Variants in NCAPD3 observed in about 807,000 individuals in gnomAD.
NCAPD3 encodes condensin-2 complex subunit D3.
In NCAPD3, 105 loss-of-function variants were observed where a neutral mutation model predicts 182.9. The ratio of observed to expected loss-of-function variants is 0.57; its 90% CI spans 0.49 to 0.68. NCAPD3 has a LOEUF of 0.68. NCAPD3 is among the 30% of genes least tolerant of loss of function. NCAPD3 has a pLI of 0.00. For missense variants in NCAPD3, 1,944 were observed against 1,837.0 expected (o/e 1.06, Z -1.07); for synonymous variants, 815 against 679.9 (o/e 1.20, Z -3.09).
chr11:134,162,624 C>T (rs911501794), intron 27 of NCAPD3, among the ~76,000 whole-genome samples: 1 of 152,186 alleles, frequency 6.6e-6, no homozygotes, highest in Non-Finnish European at 1.5e-5. Context: ...TCTAAAAAGT[C>T]TTATCAGAGT....
At chr11:134,173,875 C>T (rs1179745744) in intron 24 of NCAPD3, among the ~76,000 whole-genome samples, 1 of 151,662 alleles carries the variant, frequency 6.6e-6, no homozygotes, top group African/African-American at 2.4e-5. Flanking sequence ...GCAGGAGAAT[C>T]GCTTGAACCA....
chr11:134,154,638 G>GGGTGGTGCTA lies in NCAPD3; in HGVS notation c.4253-1276_4253-1275insTAGCACCACC, dbSNP rs1565513747. Among the ~76,000 whole-genome samples, 308 of 149,212 alleles carry GGGTGGTGCTA rather than the reference G, an allele frequency of 2.1e-3. 1 individual carries two copies. The highest frequency in any genetic ancestry group is 6.8e-3 in the African/African-American group (271 of 39,782). On this transcript the variant is annotated intron_variant, in intron 32 of 34. Transcript: ENST00000534548. The stretch of plus-strand genomic sequence containing the variant: ...AGCCTCGCCCCTCCTGGGTGGTGCT[G>GGGTGGTGCTA]TACCCAGTGCATAAGCTGCCACCAG...
chr11:134,199,778 T>C (rs1944710026), intron 13 of NCAPD3, among the ~76,000 whole-genome samples: 1 of 152,152 alleles, frequency 6.6e-6, no homozygotes, highest in Non-Finnish European at 1.5e-5. Context: ...TGGGGATCCA[T>C]CCCGAGGAAG....
At chr11:134,169,145 G>C in intron 24 of NCAPD3, 91 bp from the exon 25 acceptor site, 1 of 1,335,690 alleles carries the variant, frequency 7.5e-7, no homozygotes, top group Non-Finnish European at 1.0e-6. Context: ...GCAGAGGAGA[G>C]CTGTACATAA....
chr11:134,157,041 T>C lies in NCAPD3; in HGVS notation c.4229A>G (p.Lys1410Arg). Reference protein sequence around the residue: ...ESNGEIEHVTKRAISTPEKSI... With the variant: ...ESNGEIEHVTRRAISTPEKSI... ...ACTCTCGGGGGTGCTGATGGCCCGC[T>C]TGGTCACGTGCTCAATCTCGCCATT... is the stretch of plus-strand genomic sequence containing the variant. Residue 1410 changes from lysine to arginine, a missense_variant, in exon 32 of 35, where the codon AAG becomes AGG. This residue lies in a region of NCAPD3 where 1,803 missense variants were observed against 1,674.6 expected (regional missense o/e 1.08). Transcript: ENST00000534548. 1 of 1,612,772 alleles carries C rather than the reference T, an allele frequency of 6.2e-7. No individual in the cohort carries two copies. The highest frequency in any genetic ancestry group is 8.5e-7 in the Non-Finnish European group (1 of 1,179,468).
rs746913692 is a variant in NCAPD3 at position 134,181,038 on chromosome 11, T to C, written c.2559+39A>G. 6.2e-6 allele frequency: 9 copies of C among 1,460,986 alleles called. No individual in the cohort carries two copies. In the South Asian group the frequency reaches 8.0e-5, roughly 13 times the overall value. 90.5% of individuals were successfully genotyped at this position (1,460,986 alleles called of 1,614,324 possible). On this transcript the variant is annotated intron_variant, in intron 20 of 34. Transcript: ENST00000534548. ...CTTTAATAGAACCTCACGGATAAAA[T>C]GGAAGCGAAAAGAATGGTTAGGAAA...
At chr11:134,163,944 A>G (rs1943675638) in intron 27 of NCAPD3, among the ~76,000 whole-genome samples, 1 of 151,980 alleles carries the variant, frequency 6.6e-6, no homozygotes, top group Non-Finnish European at 1.5e-5. Flanking sequence ...GGCCTGTGAC[A>G]GAAAGAAACC....
At chr11:134,187,051 T>C (rs1406304976) in intron 16 of NCAPD3, among the ~76,000 whole-genome samples, 2 of 152,330 alleles carry the variant, frequency 1.3e-5, no homozygotes, top group East Asian at 1.9e-4. Flanking sequence ...AATCTCAAAC[T>C]TGGCTCCTCT....
intron 24 of NCAPD3, among the ~76,000 whole-genome samples, chr11:134,175,667 T>C (rs754156774): frequency 5.9e-5 from 9 of 152,178 alleles, no homozygotes; most frequent in Non-Finnish European, 1.3e-4. Context: ...GCAGACTTGC[T>C]TGAAAAAGAA....
intron 24 of NCAPD3, among the ~76,000 whole-genome samples, chr11:134,171,378 T>A (rs369492932): frequency 1.3e-5 from 2 of 152,258 alleles, no homozygotes; most frequent in African/African-American, 4.8e-5. Context: ...GGCCACAAGG[T>A]AAGAGCCATG....
intron 27 of NCAPD3, among the ~76,000 whole-genome samples, chr11:134,167,726 G>A (rs148236892): frequency 0.019 from 2,347 of 125,006 alleles, 21 homozygotes; most frequent in Non-Finnish European, 0.03. Context: ...TGGGGGAGGC[G>A]CACACTCGTG....
chr11:134,168,021 T>A lies in NCAPD3; in HGVS notation c.3548A>T (p.Glu1183Val). 2.5e-6 allele frequency: 4 copies of A among 1,614,074 alleles called. No individual in the cohort carries two copies. The highest frequency in any genetic ancestry group is 2.2e-5 in the East Asian group (1 of 44,890). ...TTGTGAGATGAGCTTCTTCTGAGCTTCCTGCATGACTACATTTGCCAAGGC... is the reference window on the plus strand; with the variant it reads ...TTGTGAGATGAGCTTCTTCTGAGCTACCTGCATGACTACATTTGCCAAGGC... ...DMALANVVMQ[E>V]AQKKLISQVQ... is the part of the protein sequence containing the mutation. Residue 1183 changes from glutamate (E) to valine (V), a missense_variant, in exon 27 of 35, where the codon GAA (glutamate) becomes GTA (valine). By Grantham distance (121) the Glu-to-Val change is moderately radical. Transcript: ENST00000534548.
chr11:134,170,111 G>A (rs1010335294), intron 24 of NCAPD3, among the ~76,000 whole-genome samples: 2 of 152,304 alleles, frequency 1.3e-5, no homozygotes, highest in African/African-American at 4.8e-5. Flanking sequence ...AAAAATCAGA[G>A]AAGGTAGATG....
chr11:134,176,001 T>C (rs1944153191), intron 24 of NCAPD3, among the ~76,000 whole-genome samples: 1 of 152,016 alleles, frequency 6.6e-6, no homozygotes. Context: ...TGCTACTCTA[T>C]ACAGTGTAAT....
intron 24 of NCAPD3, among the ~76,000 whole-genome samples, chr11:134,172,551 C>T (rs1328018768): frequency 1.3e-5 from 2 of 152,200 alleles, no homozygotes; most frequent in Non-Finnish European, 2.9e-5. Context: ...ATTTGAGGCG[C>T]TGTCCTGCCT....
At chr11:134,167,239 C>T (rs79079489) in intron 27 of NCAPD3, among the ~76,000 whole-genome samples, 54 of 117,610 alleles carry the variant, frequency 4.6e-4, no homozygotes, top group Non-Finnish European at 8.8e-4. Context: ...TTGGGGGAGG[C>T]GCACACTCGT....
At chr11:134,218,780 G>C (rs77126860) in intron 2 of NCAPD3, among the ~76,000 whole-genome samples, 1 of 151,974 alleles carries the variant, frequency 6.6e-6, no homozygotes, top group Admixed American at 6.6e-5. Flanking sequence ...TCCCAAAATT[G>C]TAACTCCGGA....
Position 134,150,138 on chromosome 11 carries a change from G to A in NCAPD3, c.*2806C>T, listed in dbSNP as rs2120406446. ...TCCTCTCATGGAAGTTTACTGTGAT[G>A]TTCCTTTTCTCACACAAGTTTTAGC... is the stretch of plus-strand genomic sequence containing the variant. On this transcript the variant is annotated 3_prime_UTR_variant, in exon 35 of 35. Transcript: ENST00000534548. The A allele has an allele frequency of 6.5e-6, 1 of 153,826 alleles. No individual in the cohort carries two copies. The highest frequency in any genetic ancestry group is 1.4e-5 in the Non-Finnish European group (1 of 69,188). The allele number at this position is 153,826 out of a possible 1,614,324, so 9.5% of individuals were successfully genotyped here.
Position 134,184,902 on chromosome 11 carries a change from CCAGT to C in NCAPD3, c.2332_2335del (p.Thr778MetfsTer7). The stretch of plus-strand genomic sequence containing the variant: ...CATAAGATTCTCCAGCAGACACTCA[CCAGT>C]CACTTTGTCCCGGGTGCTCTTAGGA... On this transcript the variant is annotated frameshift_variant and splice_region_variant, in exon 18 of 35. Coordinates refer to ENST00000534548, the MANE Select transcript of NCAPD3 (RefSeq NM_015261.3). LOFTEE classifies it high-confidence loss of function. 1.2e-6 allele frequency: 2 copies of C among 1,606,106 alleles called. No homozygotes were observed. The highest frequency in any genetic ancestry group is 1.7e-6 in the Non-Finnish European group (2 of 1,172,808).
Sources: allele counts gnomAD v4.1 joint callset (sites outside exome capture counted in the v4.1 genomes callset), GRCh38; gene constraint gnomAD v4.1.1; regional missense constraint gnomAD v4.1.1; transcripts MANE v1.5; gene names NCBI Gene and HGNC (gene_info 2026-07-23, HGNC 2026-07-21).